IGF2BP3: variants seen among roughly 807,000 people sequenced by gnomAD.
The protein encoded by IGF2BP3 is insulin like growth factor 2 mRNA binding protein 3, also known as insulin-like growth factor 2 mRNA-binding protein 3.
IGF2BP3 carries 9 observed loss-of-function variants against 73.8 expected under a neutral mutation model. The ratio of observed to expected loss-of-function variants is 0.12; its 90% confidence interval spans 0.07 to 0.21. The LOEUF (loss-of-function observed/expected upper bound fraction) is 0.21. IGF2BP3 is among the 10% of genes least tolerant of loss of function. IGF2BP3 has a pLI of 1.00. For synonymous variants in IGF2BP3, 258 were observed against 256.7 expected (o/e 1.01, Z -0.05); for missense variants, 542 against 714.0 (o/e 0.76, Z 2.75).
At chr7:23,350,520 A>G (rs753202407) in intron 6 of IGF2BP3, among the ~76,000 whole-genome samples, 22 of 152,242 alleles carry the variant, frequency 1.4e-4, no homozygotes, top group Non-Finnish European at 2.4e-4. Context: ...AAATATCCAC[A>G]TACTGTACAA....
chr7:23,468,112 C>T (rs889467448), intron 2 of IGF2BP3, among the ~76,000 whole-genome samples: 1 of 152,182 alleles, frequency 6.6e-6, no homozygotes, highest in Non-Finnish European at 1.5e-5. Context: ...CTCTCCTGCT[C>T]CTGGAGGGGT....
At chr7:23,380,363 C>G (rs576388464) in intron 3 of IGF2BP3, among the ~76,000 whole-genome samples, 1 of 151,938 alleles carries the variant, frequency 6.6e-6, no homozygotes, top group Non-Finnish European at 1.5e-5. Flanking sequence ...CGGGGTTTCA[C>G]TGTGCTAGCC....
At chr7:23,342,638 G>C (rs1172930732) in intron 9 of IGF2BP3, among the ~76,000 whole-genome samples, 1 of 152,146 alleles carries the variant, frequency 6.6e-6, no homozygotes, top group African/African-American at 2.4e-5. Context: ...GGGTCTAGAG[G>C]CCTCAAAGTT....
At chr7:23,351,743 T>C (rs928500068) in intron 5 of IGF2BP3, among the ~76,000 whole-genome samples, 157 bp from the exon 6 acceptor site, 3 of 151,332 alleles carry the variant, frequency 2.0e-5, no homozygotes, top group Non-Finnish European at 2.9e-5. Flanking sequence ...CACATAATCC[T>C]CCCCTCTCCC....
chr7:23,431,228 T>C (rs1262107220), intron 2 of IGF2BP3: 1 of 152,194 alleles, frequency 6.6e-6, no homozygotes, highest in Non-Finnish European at 1.5e-5. Flanking sequence ...AGCTTTTGTG[T>C]TTTATAAAAT....
At chr7:23,345,761 A>G (rs1299152300) in intron 8 of IGF2BP3, among the ~76,000 whole-genome samples, 179 bp downstream of exon 8, 1 of 152,262 alleles carries the variant, frequency 6.6e-6, no homozygotes, top group East Asian at 1.9e-4. Flanking sequence ...AGAAGCAGAT[A>G]ATGCTTTCAA....
intron 3 of IGF2BP3, chr7:23,362,447 A>C (rs1785254489): frequency 6.6e-6 from 1 of 152,344 alleles, no homozygotes; most frequent in East Asian, 1.9e-4. Flanking sequence ...CATAGACAGC[A>C]AAAGTGTGAA....
intron 3 of IGF2BP3, among the ~76,000 whole-genome samples, chr7:23,389,268 C>A (rs1196660350): frequency 6.6e-6 from 1 of 151,730 alleles, no homozygotes; most frequent in Non-Finnish European, 1.5e-5. Context: ...TCAAGTGATT[C>A]TCCTGCCTCA....
At chr7:23,390,952 C>T (rs1786254871) in intron 3 of IGF2BP3, among the ~76,000 whole-genome samples, 1 of 151,742 alleles carries the variant, frequency 6.6e-6, no homozygotes, top group Non-Finnish European at 1.5e-5. Context: ...GCACCCACCA[C>T]TACGCCAGCT....
intron 3 of IGF2BP3, among the ~76,000 whole-genome samples, chr7:23,368,325 A>T (rs972852727): frequency 7.5e-6 from 1 of 132,622 alleles, no homozygotes; most frequent in Non-Finnish European, 1.6e-5. Context: ...AGAGAGAGAA[A>T]GAAAAGAAAG....
chr7:23,332,082 G>A (rs543094075), intron 10 of IGF2BP3, among the ~76,000 whole-genome samples: 1 of 152,040 alleles, frequency 6.6e-6, no homozygotes, highest in East Asian at 1.9e-4. Context: ...GGGGAAATCC[G>A]CCCCCATGAT....
At chr7:23,393,113 A>ACTTG (rs1369532721) in intron 3 of IGF2BP3, among the ~76,000 whole-genome samples, 3 of 152,100 alleles carry the variant, frequency 2.0e-5, no homozygotes, top group African/African-American at 7.2e-5. Context: ...GATCAAGAGA[A>ACTTG]CTTGCTTTCA....
chr7:23,459,476 C>T (rs571646145), intron 2 of IGF2BP3, among the ~76,000 whole-genome samples: 2 of 152,132 alleles, frequency 1.3e-5, no homozygotes, highest in South Asian at 2.1e-4. Flanking sequence ...TATCCATAAA[C>T]GTTTTGGCCA....
At chr7:23,402,861 C>T (rs1259340153) in intron 3 of IGF2BP3, among the ~76,000 whole-genome samples, 1 of 152,176 alleles carries the variant, frequency 6.6e-6, no homozygotes, top group African/African-American at 2.4e-5. Context: ...TGATTTAGAA[C>T]AGTAATTCTC....
chr7:23,423,523 C>A (rs879649026), intron 2 of IGF2BP3, among the ~76,000 whole-genome samples: 1 of 152,112 alleles, frequency 6.6e-6, no homozygotes, highest in Non-Finnish European at 1.5e-5. Context: ...CTAAAACATA[C>A]ATAAATACAT....
At chr7:23,323,843 G>C (rs1159140965) in intron 10 of IGF2BP3, among the ~76,000 whole-genome samples, 2 of 151,784 alleles carry the variant, frequency 1.3e-5, no homozygotes, top group African/African-American at 4.8e-5. Flanking sequence ...CGAAATTAAG[G>C]CAGAAATAAA....
chr7:23,449,729 T>C (rs1398781976), intron 2 of IGF2BP3, among the ~76,000 whole-genome samples: 2 of 151,682 alleles, frequency 1.3e-5, no homozygotes, highest in African/African-American at 4.8e-5. Context: ...CGCTCATTTT[T>C]TGTGTTTTTA....
rs201215643 is a variant in IGF2BP3 at position 23,361,746 on chromosome 7, C to G, written c.286-5G>C. ...GACTAGTAAACTATCCAGCACCTATCAGGAGGGGGAGAGAAAATTATAAAT... is the reference window on the plus strand; with the variant it reads ...GACTAGTAAACTATCCAGCACCTATGAGGAGGGGGAGAGAAAATTATAAAT... On this transcript the variant is annotated splice_polypyrimidine_tract_variant and splice_region_variant and intron_variant, in intron 3 of 14. Transcript: ENST00000258729. 2.2e-4 allele frequency: 351 copies of G among 1,606,836 alleles called. 1 individual carries two copies. The highest frequency in any genetic ancestry group is 5.0e-4 in the South Asian group (45 of 89,594).
At chr7:23,462,432 G>A (rs1788471150) in intron 2 of IGF2BP3, among the ~76,000 whole-genome samples, 1 of 151,198 alleles carries the variant, frequency 6.6e-6, no homozygotes, top group South Asian at 2.1e-4. Context: ...CGCGATCTCA[G>A]CTCACTGTAA....
Sources: allele counts gnomAD v4.1 joint callset (sites outside exome capture counted in the v4.1 genomes callset), GRCh38; gene constraint gnomAD v4.1.1; transcripts MANE v1.5; gene names NCBI Gene and HGNC (gene_info 2026-07-23, HGNC 2026-07-21).